CAMK2D: variants seen among roughly 807,000 people sequenced by gnomAD.
CAMK2D encodes the protein calcium/calmodulin dependent protein kinase II delta.
Under a neutral mutation model 84.0 loss-of-function variants are expected in CAMK2D, and 37 were observed. That is an observed-to-expected ratio of 0.44 (90% CI 0.34 to 0.58). CAMK2D has a LOEUF of 0.58. CAMK2D is among the 20% of genes least tolerant of loss of function. CAMK2D has a pLI of 0.02. For synonymous variants in CAMK2D, 202 were observed against 212.5 expected, an observed-to-expected ratio of 0.95 and a Z score of 0.43; for missense variants, 448 against 652.5, an observed-to-expected ratio of 0.69 and a Z score of 3.41.
chr4:113,595,674 T>C (rs1253132701), intron 4 of CAMK2D, among the ~76,000 whole-genome samples: 1 of 152,224 alleles, frequency 6.6e-6, no homozygotes, highest in Non-Finnish European at 1.5e-5. Context: ...TATGAAGTTA[T>C]GTTTGCACTA....
intron 8 of CAMK2D, among the ~76,000 whole-genome samples, chr4:113,524,902 G>A (rs2098404829): frequency 6.6e-6 from 1 of 152,198 alleles, no homozygotes; most frequent in African/African-American, 2.4e-5. Context: ...ATGAACTGAA[G>A]ACTGTTGGAG....
chr4:113,494,686 C>A (rs2097902212), intron 16 of CAMK2D, among the ~76,000 whole-genome samples: 1 of 152,260 alleles, frequency 6.6e-6, no homozygotes, highest in South Asian at 2.1e-4. Flanking sequence ...AGCTTCCCGG[C>A]TGCTTTGTTT....
chr4:113,532,737 C>A lies in CAMK2D; in HGVS notation c.518-1438G>T, dbSNP rs1269120232. Among the ~76,000 whole-genome samples the A allele has an allele frequency of 2.0e-5, 3 of 152,200 alleles. No individual in the cohort carries two copies. The East Asian group carries it at 5.8e-4, about 29-fold the overall frequency. On this transcript the variant is annotated intron_variant, in intron 7 of 20. Transcript: ENST00000511664. Reference sequence around the variant, plus strand: ...GATCCTTTATCATCCGGCTACACTTCATTCATTCAACATGATTTCATTCTC... The same window carrying A: ...GATCCTTTATCATCCGGCTACACTTAATTCATTCAACATGATTTCATTCTC...
intron 2 of CAMK2D, chr4:113,679,381 C>T (rs902928248): frequency 2.4e-5 from 17 of 703,666 alleles, no homozygotes; most frequent in African/African-American, 5.8e-5. Context: ...CTAACACATG[C>T]GGTTGTTTTT....
chr4:113,479,824 G>A (rs200204483), intron 16 of CAMK2D, among the ~76,000 whole-genome samples: 3 of 152,084 alleles, frequency 2.0e-5, no homozygotes, highest in African/African-American at 7.2e-5. Flanking sequence ...TAAATCATGG[G>A]CCAGGAATTA....
intron 3 of CAMK2D, among the ~76,000 whole-genome samples, chr4:113,648,922 A>T: frequency 6.6e-6 from 1 of 152,136 alleles, no homozygotes; most frequent in East Asian, 1.9e-4. Flanking sequence ...TCCAATCCTT[A>T]AAAAAATAAT....
chr4:113,513,332 G>A lies in CAMK2D; in HGVS notation c.942C>T (p.Phe314=). 6.2e-7 allele frequency: 1 copy of A among 1,613,674 alleles called. No homozygotes were observed. The highest frequency in any genetic ancestry group is 8.5e-7 in the Non-Finnish European group (1 of 1,179,584). Reference sequence around the variant, plus strand: ...CAGAGTTCCCAATGCATGTACCTGAGAAATTCCTTGTAGCCAGCATAGTTG... The same window carrying A: ...CAGAGTTCCCAATGCATGTACCTGAAAAATTCCTTGTAGCCAGCATAGTTG... ...ILTTMLATRN[F]SAAKSLLKKP... is the part of the protein sequence containing the mutation. Residue 314 remains phenylalanine (F), a synonymous_variant, in exon 12 of 21, where the codon TTC becomes TTT. Coordinates refer to ENST00000511664, the MANE Select transcript of CAMK2D (RefSeq NM_001321571.2).
chr4:113,540,847 T>C (rs2098525429), intron 6 of CAMK2D, among the ~76,000 whole-genome samples: 1 of 152,196 alleles, frequency 6.6e-6, no homozygotes, highest in South Asian at 2.1e-4. Flanking sequence ...TCTTTATATA[T>C]TGAGAGGATC....
intron 4 of CAMK2D, among the ~76,000 whole-genome samples, chr4:113,563,037 T>C (rs1310429110): frequency 6.6e-6 from 1 of 152,090 alleles, no homozygotes; most frequent in African/African-American, 2.4e-5. Flanking sequence ...GGCAGGTAGA[T>C]ACACTCAGGA....
At chr4:113,627,407 A>G (rs989445925) in intron 3 of CAMK2D, among the ~76,000 whole-genome samples, 6 of 152,184 alleles carry the variant, frequency 3.9e-5, no homozygotes, top group African/African-American at 1.4e-4. Flanking sequence ...TTCCTGGGGG[A>G]AATACAGGGT....
At position 113,739,079 on chromosome 4, in the gene CAMK2D, T is replaced by C. The variant is rs1229913670; in HGVS notation, c.160+20241A>G. Among the ~76,000 whole-genome samples the C allele has an allele frequency of 2.6e-5, 4 of 152,198 alleles. No individual in the cohort carries two copies. The East Asian group carries it at 7.7e-4, about 29-fold the overall frequency. ...AGTGTAAATGGAAATACTTCATAGA[T>C]GTGTTAATCTTGTTTTGTCAGGCAG... On this transcript the variant is annotated intron_variant, in intron 2 of 20. Transcript: ENST00000511664.
chr4:113,599,132 G>C (rs2098940711), intron 4 of CAMK2D, among the ~76,000 whole-genome samples: 2 of 152,058 alleles, frequency 1.3e-5, no homozygotes, highest in African/African-American at 4.8e-5. Context: ...CTATTAAAAA[G>C]GCCAATATCA....
chr4:113,496,596 G>A (rs969979508), intron 16 of CAMK2D, among the ~76,000 whole-genome samples: 2 of 151,878 alleles, frequency 1.3e-5, no homozygotes, highest in South Asian at 2.1e-4. Context: ...TTACAGGCGC[G>A]TACCACAGTG....
intron 3 of CAMK2D, among the ~76,000 whole-genome samples, chr4:113,624,486 C>A (rs6533703): frequency 0.59 from 90,191 of 151,982 alleles, 28,584 homozygotes; most frequent in East Asian, 0.81. Flanking sequence ...TTGGCAGGAA[C>A]GGTGGGCATA....
intron 4 of CAMK2D, among the ~76,000 whole-genome samples, chr4:113,553,997 A>C (rs185083901): frequency 6.6e-6 from 1 of 152,196 alleles, no homozygotes; most frequent in Non-Finnish European, 1.5e-5. Context: ...ATAAGTACCT[A>C]GAAAACCTAC....
At chr4:113,494,602 T>C (rs2097900369) in intron 16 of CAMK2D, among the ~76,000 whole-genome samples, 1 of 152,252 alleles carries the variant, frequency 6.6e-6, no homozygotes, top group African/African-American at 2.4e-5. Flanking sequence ...TGTTTGTCTG[T>C]GTCCTGCCCC....
At chr4:113,725,843 T>G (rs999201398) in intron 2 of CAMK2D, among the ~76,000 whole-genome samples, 5 of 152,158 alleles carry the variant, frequency 3.3e-5, no homozygotes, top group African/African-American at 9.7e-5. Context: ...AATTTGGAGA[T>G]ATATATATAC....
chr4:113,659,471 G>T (rs2099218485), intron 3 of CAMK2D, among the ~76,000 whole-genome samples: 1 of 152,196 alleles, frequency 6.6e-6, no homozygotes, highest in African/African-American at 2.4e-5. Flanking sequence ...GGGTAATTAG[G>T]TGAGAATGAG....
intron 2 of CAMK2D, among the ~76,000 whole-genome samples, chr4:113,682,875 A>G (rs989182939): frequency 2.6e-5 from 4 of 152,204 alleles, no homozygotes; most frequent in African/African-American, 9.6e-5. Context: ...ACTAAAGTAC[A>G]TGGGGCCCTA....
Sources: allele counts gnomAD v4.1 joint callset (sites outside exome capture counted in the v4.1 genomes callset), GRCh38; gene constraint gnomAD v4.1.1; transcripts MANE v1.5; gene names NCBI Gene and HGNC (gene_info 2026-07-23, HGNC 2026-07-21).